Variants in METTL16 observed in about 807,000 individuals in gnomAD.
METTL16 encodes methyltransferase 16, RNA N6-adenosine.
METTL16 carries 19 observed loss-of-function variants against 57.9 expected under a neutral mutation model. The observed-to-expected ratio is 0.33, with a 90% CI of 0.23 to 0.48. METTL16 has a LOEUF of 0.48. Among genes scored for constraint, METTL16 ranks in the 20% least tolerant of loss-of-function variants. The probability of loss-of-function intolerance (pLI) is 0.99; values close to 1 mark genes in which losing one functional copy is unlikely to be tolerated. For missense variants in METTL16, 434 were observed against 691.5 expected, an observed-to-expected ratio of 0.63 and a Z score of 4.18; for synonymous variants, 246 against 255.6, an observed-to-expected ratio of 0.96 and a Z score of 0.36.
chr17:2,494,613 G>A (rs893949792), intron 2 of METTL16, among the ~76,000 whole-genome samples: 1 of 152,022 alleles, frequency 6.6e-6, no homozygotes, highest in Non-Finnish European at 1.5e-5. Flanking sequence ...GACTGAGGTA[G>A]GAGGATTGCT....
chr17:2,424,259 G>GTGT (rs1567880084), intron 8 of METTL16: 2 of 149,462 alleles, frequency 1.3e-5, no homozygotes, highest in East Asian at 3.9e-4. Flanking sequence ...GACTACAGGC[G>GTGT]CCCGCCACTA....
chr17:2,481,564 A>G (rs2067306770), intron 2 of METTL16, among the ~76,000 whole-genome samples: 1 of 152,204 alleles, frequency 6.6e-6, no homozygotes, highest in Non-Finnish European at 1.5e-5. Flanking sequence ...CCAAGTTATG[A>G]GAGTGAATTT....
chr17:2,491,685 C>T (rs941872447), intron 2 of METTL16, among the ~76,000 whole-genome samples: 1 of 151,342 alleles, frequency 6.6e-6, no homozygotes, highest in Non-Finnish European at 1.5e-5. Context: ...ACCATCCTGG[C>T]TAACACGGTG....
At chr17:2,463,145 A>G (rs952009631) in intron 6 of METTL16, among the ~76,000 whole-genome samples, 4 of 152,196 alleles carry the variant, frequency 2.6e-5, no homozygotes, top group Non-Finnish European at 5.9e-5. Context: ...TGACAGCTCA[A>G]TGTCCTCACA....
At chr17:2,451,961 C>A (rs1277587052) in intron 6 of METTL16, among the ~76,000 whole-genome samples, 1 of 151,820 alleles carries the variant, frequency 6.6e-6, no homozygotes, top group Non-Finnish European at 1.5e-5. Flanking sequence ...TCCTGGGCAA[C>A]ATGGCAAGAC....
At chr17:2,459,371 A>C (rs931813759) in intron 6 of METTL16, among the ~76,000 whole-genome samples, 19 of 152,178 alleles carry the variant, frequency 1.2e-4, no homozygotes, top group African/African-American at 4.6e-4. Flanking sequence ...CCAGCTGCAA[A>C]ATTCCTTAAG....
intron 8 of METTL16, among the ~76,000 whole-genome samples, chr17:2,432,452 G>A (rs957655249): frequency 1.3e-5 from 2 of 152,018 alleles, no homozygotes; most frequent in Admixed American, 6.6e-5. Flanking sequence ...GCCTGTAGGC[G>A]CAGCTACTAG....
At chr17:2,507,162 C>T (rs2067546662) in intron 1 of METTL16, among the ~76,000 whole-genome samples, 1 of 147,376 alleles carries the variant, frequency 6.8e-6, no homozygotes, top group African/African-American at 2.5e-5. Context: ...AGTGAGGAGC[C>T]CCTCTGCCCG....
chr17:2,483,873 T>G (rs973557442), intron 2 of METTL16, among the ~76,000 whole-genome samples: 2 of 152,190 alleles, frequency 1.3e-5, no homozygotes, highest in African/African-American at 4.8e-5. Context: ...GAAAGTCAAG[T>G]TTTACATATG....
rs185644684 is a variant in METTL16, at chr17:2,474,571, G to T, written c.329-907C>A. On this transcript the variant is annotated intron_variant, in intron 3 of 9. Transcript: ENST00000263092. ...AAAAAAACACTCTTTGACCACTAGG[G>T]TTTGGTACTAAATTATGTAGAACCG... is the stretch of plus-strand genomic sequence containing the variant. Among the ~76,000 whole-genome samples the T allele has an allele frequency of 5.9e-5, 9 of 152,230 alleles. No individual in the cohort carries two copies. The South Asian group carries it at 6.2e-4, about 11-fold the overall frequency.
intron 3 of METTL16, among the ~76,000 whole-genome samples, chr17:2,476,341 T>C (rs1300454408): frequency 2.6e-5 from 4 of 152,194 alleles, no homozygotes; most frequent in Admixed American, 2.0e-4. Flanking sequence ...GAAATCGTCA[T>C]AGAAGTGAAT....
chr17:2,492,064 A>T (rs111960603), intron 2 of METTL16, among the ~76,000 whole-genome samples: 4,615 of 150,754 alleles, frequency 0.031, 115 homozygotes, highest in Non-Finnish European at 0.05. Flanking sequence ...ACAAAAAATT[A>T]GCCGGGCGTG....
intron 8 of METTL16, among the ~76,000 whole-genome samples, chr17:2,421,820 C>T (rs1567878930): frequency 1.3e-5 from 2 of 152,138 alleles, no homozygotes; most frequent in Admixed American, 6.5e-5. Flanking sequence ...ACTCCTGAAT[C>T]GTGGCTGATG....
intron 2 of METTL16, among the ~76,000 whole-genome samples, chr17:2,489,743 A>C (rs952720116): frequency 1.3e-5 from 2 of 150,368 alleles, no homozygotes; most frequent in Non-Finnish European, 3.0e-5. Context: ...AAAAAAAAAA[A>C]AAAAAACGAA....
chr17:2,490,150 AT>A (rs2151574724), intron 2 of METTL16, among the ~76,000 whole-genome samples: 1 of 152,304 alleles, frequency 6.6e-6, no homozygotes, highest in South Asian at 2.1e-4. Context: ...GGGACTCGAT[AT>A]GCACGCAGGT....
Position 2,489,378 on chromosome 17 carries a change from G to T in METTL16, c.129-11493C>A, listed in dbSNP as rs1314751960. ...GTTAAGAATACTGTGATTTCGGCCG[G>T]GCGCAGTGGCTCACATCTGTAATCC... On this transcript the variant is annotated intron_variant, in intron 2 of 9. Coordinates refer to ENST00000263092, the MANE Select transcript of METTL16 (RefSeq NM_024086.4). Among the ~76,000 whole-genome samples the T allele has an allele frequency of 2.0e-5, 3 of 151,984 alleles. No individual in the cohort carries two copies. In the East Asian group the frequency reaches 5.8e-4, roughly 29 times the overall value.
chr17:2,459,451 A>T (rs572998602), intron 6 of METTL16, among the ~76,000 whole-genome samples: 67 of 152,336 alleles, frequency 4.4e-4, no homozygotes, highest in African/African-American at 1.6e-3. Flanking sequence ...AGGGGAGGCG[A>T]GGCATCACAA....
At chr17:2,441,385 C>A in intron 7 of METTL16, 105 bp downstream of exon 7, 1 of 733,428 alleles carries the variant, frequency 1.4e-6, no homozygotes. Flanking sequence ...CACTGAAAGC[C>A]CTGACTTCAC....
intron 1 of METTL16, among the ~76,000 whole-genome samples, chr17:2,509,972 G>A (rs1348102032): frequency 6.6e-6 from 1 of 151,792 alleles, no homozygotes; most frequent in African/African-American, 2.4e-5. Context: ...AGCTACTCGG[G>A]AGGCTGAGGC....
Sources: gnomAD v4.1 joint callset for allele counts (sites outside exome capture counted in the v4.1 genomes callset) on GRCh38, gnomAD v4.1.1 for gene constraint, MANE v1.5 for transcripts, NCBI Gene and HGNC (gene_info 2026-07-23, HGNC 2026-07-21) for gene names.